Variants in COLEC10 observed in about 807,000 individuals in gnomAD.
COLEC10 encodes the protein collectin subfamily member 10, also known as collectin-10.
COLEC10 carries 22 observed loss-of-function variants against 28.4 expected under a neutral mutation model. The observed-to-expected ratio is 0.78, with a 90% CI of 0.55 to 1.11. COLEC10 has a LOEUF of 1.11. Ranked by LOEUF, COLEC10 falls within the 50% of genes least tolerant of loss-of-function variation. COLEC10 has a pLI of 0.00. For missense variants in COLEC10, 361 were observed against 344.1 expected, an observed-to-expected ratio of 1.05 and a Z score of -0.39; for synonymous variants, 125 against 116.1, an observed-to-expected ratio of 1.08 and a Z score of -0.49.
intron 2 of COLEC10, among the ~76,000 whole-genome samples, chr8:119,015,862 G>A (rs1364676657): frequency 6.6e-6 from 1 of 152,094 alleles, no homozygotes; most frequent in East Asian, 1.9e-4. Flanking sequence ...CTAGAAAATG[G>A]CCAAGCTTTG....
chr8:119,055,529 T>C (rs926188007), intron 2 of COLEC10, among the ~76,000 whole-genome samples: 21 of 152,082 alleles, frequency 1.4e-4, no homozygotes, highest in Non-Finnish European at 5.9e-5. Context: ...GCAAAATTTG[T>C]GATGGCATTG....
intron 2 of COLEC10, among the ~76,000 whole-genome samples, chr8:119,043,186 T>C (rs1814528500): frequency 6.6e-6 from 1 of 152,216 alleles, no homozygotes; most frequent in Non-Finnish European, 1.5e-5. Flanking sequence ...TTATGATGAA[T>C]TCTGTTTCTG....
At chr8:118,976,367 T>A in the COLEC10 span, 3 of 152,080 alleles carry the variant, frequency 2.0e-5, no homozygotes, top group African/African-American at 7.2e-5. Flanking sequence ...TGTGTTTTCA[T>A]ATGCCACAGT....
At chr8:119,049,626 G>A (rs1185917954) in intron 2 of COLEC10, among the ~76,000 whole-genome samples, 2 of 151,810 alleles carry the variant, frequency 1.3e-5, no homozygotes, top group African/African-American at 4.8e-5. Flanking sequence ...GTGTTAGCCA[G>A]GATTGTCTCA....
intron 2 of COLEC10, among the ~76,000 whole-genome samples, chr8:119,035,408 G>C (rs1412373469): frequency 6.6e-6 from 1 of 152,192 alleles, no homozygotes; most frequent in East Asian, 1.9e-4. Flanking sequence ...CCCAAAAATG[G>C]CTGACCCTGC....
intron 1 of COLEC10, among the ~76,000 whole-genome samples, chr8:119,000,415 G>A (rs1813673015): frequency 2.0e-5 from 3 of 152,124 alleles, no homozygotes; most frequent in African/African-American, 4.8e-5. Flanking sequence ...GCACAGTTGT[G>A]TGCTTTTCTC....
Position 119,034,599 on chromosome 8 carries a change from A to G in COLEC10, n.235+25046A>G, listed in dbSNP as rs1814354477. Among the ~76,000 whole-genome samples, 5 of 152,212 alleles carry G rather than the reference A, an allele frequency of 3.3e-5. No individual in the cohort carries two copies. The South Asian group carries it at 1.0e-3, about 32-fold the overall frequency. On this transcript the variant is annotated intron_variant and non_coding_transcript_variant, in intron 2 of 6. Coordinates refer to the COLEC10 transcript ENST00000521788. ...GGTGGCGGATGCCTATAATCCAGCT[A>G]TTTGGGAGGCTGAGGCAGAGAATTG...
chr8:119,058,797 G>T (rs192682602), intron 2 of COLEC10, among the ~76,000 whole-genome samples: 1 of 152,112 alleles, frequency 6.6e-6, no homozygotes, highest in East Asian at 1.9e-4. Flanking sequence ...TTAATTGCTG[G>T]ATTATGCTTT....
chr8:119,029,623 T>C (rs1376661539), intron 2 of COLEC10, among the ~76,000 whole-genome samples: 2 of 152,070 alleles, frequency 1.3e-5, no homozygotes, highest in Admixed American at 6.5e-5. Context: ...ATAAAGTACC[T>C]CTCATTGGGT....
intron 2 of COLEC10, among the ~76,000 whole-genome samples, chr8:119,055,246 C>T (rs1302543027): frequency 1.3e-5 from 2 of 152,062 alleles, no homozygotes; most frequent in African/African-American, 4.8e-5. Flanking sequence ...TGTGTGGAAA[C>T]CCTACTGATT....
the COLEC10 span, among the ~76,000 whole-genome samples, chr8:118,977,940 T>A: frequency 1.3e-5 from 2 of 152,104 alleles, no homozygotes; most frequent in African/African-American, 4.8e-5. Flanking sequence ...GCTGCCCTCT[T>A]ATGGTTGCAC....
At chr8:119,102,105 TG>T (rs1815840753) in intron 3 of COLEC10, among the ~76,000 whole-genome samples, 1 of 152,128 alleles carries the variant, frequency 6.6e-6, no homozygotes, top group South Asian at 2.1e-4. Context: ...TGTAGCCAAT[TG>T]AAAATCACAT....
At chr8:118,962,877 T>G in the COLEC10 span, among the ~76,000 whole-genome samples, 1 of 152,344 alleles carries the variant, frequency 6.6e-6, no homozygotes, top group African/African-American at 2.4e-5. Flanking sequence ...TGTTTTCCTG[T>G]GACTGGCTTA....
At chr8:118,998,091 C>T (rs1223153040) in intron 1 of COLEC10, among the ~76,000 whole-genome samples, 1 of 152,048 alleles carries the variant, frequency 6.6e-6, no homozygotes, top group Non-Finnish European at 1.5e-5. Context: ...AGCAAATTAA[C>T]CTCAGTATTT....
At chr8:118,987,925 A>G in the COLEC10 span, among the ~76,000 whole-genome samples, 1 of 152,304 alleles carries the variant, frequency 6.6e-6, no homozygotes, top group Middle Eastern at 3.4e-3. Context: ...TGTGGAAGTC[A>G]TCACTCCTGT....
intron 1 of COLEC10, among the ~76,000 whole-genome samples, chr8:119,088,505 T>C (rs1286434363): frequency 6.6e-6 from 1 of 152,228 alleles, no homozygotes; most frequent in Non-Finnish European, 1.5e-5. Context: ...GTCGTGTTTT[T>C]TCCTGGATAA....
chr8:119,023,119 C>A (rs967427032), intron 2 of COLEC10, among the ~76,000 whole-genome samples: 3 of 152,116 alleles, frequency 2.0e-5, no homozygotes, highest in Admixed American at 6.6e-5. Context: ...CTTACGCTGG[C>A]CACTGTATTT....
rs748322589 is a variant in COLEC10, at chr8:119,067,339, C to A, written c.58C>A (p.Leu20Ile). ...RNQFILLVLF[L>I]LQIQSLGLDI... ...CCAATTTATCCTCCTGGTACTATTT[C>A]TTTTGCAAATTCAGAGTCTGGGTCT... is the stretch of plus-strand genomic sequence containing the variant. The change falls in exon 1 of 6, where the codon CTT (leucine) becomes ATT (isoleucine). Residue 20 changes from leucine to isoleucine, a missense_variant. Coordinates refer to ENST00000332843, the MANE Select transcript of COLEC10 (RefSeq NM_006438.5). 11 of 1,613,938 alleles carry A rather than the reference C, an allele frequency of 6.8e-6. No individual in the cohort carries two copies. The highest frequency in any genetic ancestry group is 1.1e-5 in the South Asian group (1 of 91,074).
At chr8:118,980,344 C>T in the COLEC10 span, among the ~76,000 whole-genome samples, 2 of 151,832 alleles carry the variant, frequency 1.3e-5, no homozygotes. Flanking sequence ...AGGCGAACAC[C>T]ACCATGGCTG....
Sources: allele counts gnomAD v4.1 joint callset (sites outside exome capture counted in the v4.1 genomes callset), GRCh38; gene constraint gnomAD v4.1.1; transcripts MANE v1.5; gene names NCBI Gene and HGNC (gene_info 2026-07-23, HGNC 2026-07-21).